RBPMS: variants seen among roughly 807,000 people sequenced by gnomAD.
RBPMS encodes RNA binding protein, mRNA processing factor.
Under a neutral mutation model 26.8 loss-of-function variants are expected in RBPMS, and 7 were observed. The ratio of observed to expected loss-of-function variants is 0.26; its 90% confidence interval spans 0.15 to 0.49. The LOEUF is 0.49. RBPMS is among the 20% of genes least tolerant of loss of function. RBPMS has a pLI of 0.98. For synonymous variants in RBPMS, 96 were observed against 93.3 expected (o/e 1.03, Z -0.17); for missense variants, 186 against 250.0 (o/e 0.74, Z 1.73).
chr8:30,417,085 G>A (rs926475969), intron 1 of RBPMS, among the ~76,000 whole-genome samples: 10 of 152,074 alleles, frequency 6.6e-5, no homozygotes, highest in African/African-American at 2.4e-4. Flanking sequence ...TTTGTTTTTT[G>A]TTGGGGGAGT....
At chr8:30,540,227 G>A (rs1472737375) in intron 5 of RBPMS, among the ~76,000 whole-genome samples, 1 of 152,186 alleles carries the variant, frequency 6.6e-6, no homozygotes, top group Non-Finnish European at 1.5e-5. Flanking sequence ...GGCAGAGGGA[G>A]CAGTGTGTGG....
chr8:30,428,362 G>A (rs1811586742), intron 1 of RBPMS, among the ~76,000 whole-genome samples: 1 of 151,970 alleles, frequency 6.6e-6, no homozygotes, highest in Non-Finnish European at 1.5e-5. Context: ...AGACAGAGGT[G>A]GGAGGATCGC....
intron 1 of RBPMS, among the ~76,000 whole-genome samples, chr8:30,426,191 G>T (rs1273971218): frequency 6.6e-6 from 1 of 152,208 alleles, no homozygotes; most frequent in East Asian, 1.9e-4. Flanking sequence ...CCCACCAGGG[G>T]CCAAATTGCC....
intron 5 of RBPMS, among the ~76,000 whole-genome samples, chr8:30,533,959 C>T (rs1176686335): frequency 6.6e-6 from 1 of 151,970 alleles, no homozygotes; most frequent in African/African-American, 2.4e-5. Flanking sequence ...TGATTGAAAC[C>T]CCGTCTCTAC....
At chr8:30,552,799 A>G (rs1826503806) in intron 6 of RBPMS, 1 of 152,272 alleles carries the variant, frequency 6.6e-6, no homozygotes. Context: ...CCAGGAGAGA[A>G]AATTCTCCCT....
At chr8:30,505,599 A>G (rs1820997199) in intron 5 of RBPMS, among the ~76,000 whole-genome samples, 1 of 152,260 alleles carries the variant, frequency 6.6e-6, no homozygotes, top group African/African-American at 2.4e-5. Flanking sequence ...CAGGGAAACT[A>G]GAAACCTTTG....
chr8:30,420,879 G>C (rs1810698204), intron 1 of RBPMS, among the ~76,000 whole-genome samples: 1 of 152,186 alleles, frequency 6.6e-6, no homozygotes, highest in African/African-American at 2.4e-5. Flanking sequence ...AAGATGAAGA[G>C]AGTCCGGGGT....
intron 1 of RBPMS, among the ~76,000 whole-genome samples, chr8:30,424,772 G>A (rs758562411): frequency 5.9e-5 from 9 of 152,060 alleles, no homozygotes; most frequent in East Asian, 1.9e-4. Flanking sequence ...TTTAAAGCAC[G>A]GTAAAAGCGG....
intron 1 of RBPMS, among the ~76,000 whole-genome samples, chr8:30,414,000 C>G (rs1809765648): frequency 6.6e-6 from 1 of 152,202 alleles, no homozygotes; most frequent in Admixed American, 6.5e-5. Context: ...CCTCAGCCTC[C>G]CAAAGTGCTG....
Position 30,437,345 on chromosome 8 carries a change from T to C in RBPMS, c.67-37434T>C, listed in dbSNP as rs544021065. On this transcript the variant is annotated intron_variant, in intron 1 of 8. Transcript: ENST00000397323. ...CAGAAAAATTTTGTATTGAACTCTT[T>C]GAAGGCTTTTTTAAAAACGATGTTA... 4.6e-5 allele frequency among the ~76,000 whole-genome samples: 7 copies of C among 152,238 alleles called. No homozygotes were observed. The East Asian group carries it at 1.2e-3, about 25-fold the overall frequency.
At chr8:30,570,591 G>A (rs1828205692) in intron 8 of RBPMS, 46 bp from the exon 9 acceptor site, 1 of 152,700 alleles carries the variant, frequency 6.5e-6, no homozygotes, top group Non-Finnish European at 1.5e-5. Flanking sequence ...CGCAACTAGG[G>A]AGGGGTTGAC....
At chr8:30,393,643 A>T (rs952939150) in intron 1 of RBPMS, among the ~76,000 whole-genome samples, 2 of 151,720 alleles carry the variant, frequency 1.3e-5, no homozygotes, top group African/African-American at 4.8e-5. Flanking sequence ...TCAGCCTCCC[A>T]AGTAGCTGGG....
chr8:30,473,892 G>C (rs1004555180), intron 1 of RBPMS, among the ~76,000 whole-genome samples: 11 of 152,138 alleles, frequency 7.2e-5, no homozygotes, highest in African/African-American at 2.7e-4. Context: ...AAGGATGAGG[G>C]CACAGGGACA....
intron 1 of RBPMS, among the ~76,000 whole-genome samples, chr8:30,392,189 T>C (rs1257143230): frequency 1.3e-5 from 2 of 152,084 alleles, no homozygotes; most frequent in Admixed American, 6.6e-5. Flanking sequence ...AAGGAAGGGA[T>C]GGAGCTGTGT....
At chr8:30,391,477 A>G (rs1010922059) in intron 1 of RBPMS, among the ~76,000 whole-genome samples, 1 of 152,054 alleles carries the variant, frequency 6.6e-6, no homozygotes, top group Non-Finnish European at 1.5e-5. Context: ...AAAAAAACTT[A>G]GGAAGGAATG....
At chr8:30,521,972 A>C (rs1421975844) in intron 5 of RBPMS, among the ~76,000 whole-genome samples, 1 of 152,222 alleles carries the variant, frequency 6.6e-6, no homozygotes, top group African/African-American at 2.4e-5. Flanking sequence ...TAAGCTCAAG[A>C]GATCTATTGT....
At chr8:30,505,614 T>C (rs1459915500) in intron 5 of RBPMS, among the ~76,000 whole-genome samples, 1 of 152,228 alleles carries the variant, frequency 6.6e-6, no homozygotes, top group African/African-American at 2.4e-5. Flanking sequence ...CCTTTGCTTA[T>C]TTGGGAAGGA....
chr8:30,522,037 G>A (rs1055971737), intron 5 of RBPMS, among the ~76,000 whole-genome samples: 1 of 152,150 alleles, frequency 6.6e-6, no homozygotes, highest in Non-Finnish European at 1.5e-5. Flanking sequence ...AAATTGCTAA[G>A]AGAGTAGATT....
chr8:30,550,793 C>A (rs28404176), intron 6 of RBPMS, among the ~76,000 whole-genome samples: 6,694 of 152,322 alleles, frequency 0.044, 444 homozygotes, highest in African/African-American at 0.15. Flanking sequence ...CCACCGGAAC[C>A]CCCTTCTGAC....
Sources: allele counts gnomAD v4.1 joint callset (sites outside exome capture counted in the v4.1 genomes callset), GRCh38; gene constraint gnomAD v4.1.1; transcripts MANE v1.5; gene names NCBI Gene and HGNC (gene_info 2026-07-23, HGNC 2026-07-21).